Variants in USH2A observed in about 807,000 individuals in gnomAD.
USH2A encodes Usher syndrome 2A (autosomal recessive, mild).
USH2A carries 443 observed loss-of-function variants against 538.9 expected under a neutral mutation model. That is an observed-to-expected ratio of 0.82 (90% CI 0.76 to 0.89). USH2A has a LOEUF of 0.89. Among genes scored for constraint, USH2A ranks in the 40% least tolerant of loss-of-function variants. The probability of loss-of-function intolerance (pLI) is 0.00; values close to 1 mark genes in which losing one functional copy is unlikely to be tolerated. For missense variants in USH2A, 6,633 were observed against 6,324.8 expected (o/e 1.05, Z -1.65); for synonymous variants, 2,413 against 2,273.5 (o/e 1.06, Z -1.75).
intron 21 of USH2A, 71 bp downstream of exon 21, chr1:216,175,181 G>A: frequency 6.3e-7 from 1 of 1,599,610 alleles, no homozygotes. Flanking sequence ...TCATTGTAAA[G>A]GGATATGAAA....
At chr1:215,762,680 C>T (rs989037626) in intron 56 of USH2A, among the ~76,000 whole-genome samples, 9 of 152,104 alleles carry the variant, frequency 5.9e-5, no homozygotes, top group Non-Finnish European at 8.8e-5. Context: ...TTAATGAGTC[C>T]GAGGTGGGGA....
chr1:216,058,550 T>C (rs2031061327), intron 30 of USH2A, among the ~76,000 whole-genome samples: 1 of 141,264 alleles, frequency 7.1e-6, no homozygotes, highest in African/African-American at 2.8e-5. Flanking sequence ...GTGGTTGGGT[T>C]CTATTCTGAG....
chr1:216,333,787 G>T (rs566734445), intron 4 of USH2A, among the ~76,000 whole-genome samples: 1 of 151,954 alleles, frequency 6.6e-6, no homozygotes, highest in Admixed American at 6.6e-5. Context: ...AAACCATGGC[G>T]TCCAGAAGGG....
At chr1:216,081,585 G>A (rs907131989) in intron 26 of USH2A, among the ~76,000 whole-genome samples, 1 of 151,828 alleles carries the variant, frequency 6.6e-6, no homozygotes, top group Non-Finnish European at 1.5e-5. Flanking sequence ...TTATCTAAGT[G>A]TATTGATTTT....
chr1:215,681,386 A>G (rs1212012451), intron 61 of USH2A, among the ~76,000 whole-genome samples: 1 of 151,946 alleles, frequency 6.6e-6, no homozygotes, highest in Non-Finnish European at 1.5e-5. Flanking sequence ...TACCATCCCC[A>G]TTGGATATAA....
intron 21 of USH2A, among the ~76,000 whole-genome samples, chr1:216,159,884 A>T (rs1288010350): frequency 6.6e-6 from 1 of 152,064 alleles, no homozygotes; most frequent in Non-Finnish European, 1.5e-5. Context: ...GTCAGTTTAA[A>T]TTTGGAGATT....
At chr1:215,755,493 G>A (rs1660764927) in intron 58 of USH2A, among the ~76,000 whole-genome samples, 1 of 152,064 alleles carries the variant, frequency 6.6e-6, no homozygotes, top group Non-Finnish European at 1.5e-5. Context: ...CACAGCATGA[G>A]GTACTTTCCA....
intron 21 of USH2A, chr1:216,173,955 A>G (rs781542571): frequency 3.1e-6 from 3 of 983,196 alleles, no homozygotes; most frequent in Non-Finnish European, 3.6e-6. Flanking sequence ...CTTTTTTGCC[A>G]TTTTAAGAAT....
At chr1:215,879,223 GAGGCC>G in intron 41 of USH2A, 125 bp from the exon 42 acceptor site, 1 of 792,378 alleles carries the variant, frequency 1.3e-6, no homozygotes, top group Non-Finnish European at 2.2e-6. Context: ...ACATTCTCCT[GAGGCC>G]TTTGGACTAG....
At chr1:216,111,494 C>T (rs1043939596) in intron 21 of USH2A, among the ~76,000 whole-genome samples, 9 of 151,874 alleles carry the variant, frequency 5.9e-5, no homozygotes, top group Non-Finnish European at 8.8e-5. Context: ...GTAGAGCTTA[C>T]GGATCTAAAG....
intron 43 of USH2A, among the ~76,000 whole-genome samples, chr1:215,870,786 A>G (rs1205701388): frequency 6.6e-6 from 1 of 152,076 alleles, no homozygotes; most frequent in African/African-American, 2.4e-5. Context: ...CATTCACTCT[A>G]TGTATACTGT....
At chr1:216,072,082 C>G (rs1410733663) in intron 29 of USH2A, among the ~76,000 whole-genome samples, 2 of 152,122 alleles carry the variant, frequency 1.3e-5, no homozygotes, top group Non-Finnish European at 2.9e-5. Flanking sequence ...TTGATGGAAA[C>G]ACGTCTTTAG....
intron 38 of USH2A, among the ~76,000 whole-genome samples, chr1:215,931,543 A>C (rs766577509): frequency 2.9e-4 from 44 of 152,008 alleles, no homozygotes; most frequent in Non-Finnish European, 5.7e-4. Flanking sequence ...TATCTACATA[A>C]CCAGAGCATT....
intron 34 of USH2A, among the ~76,000 whole-genome samples, chr1:215,998,614 A>ATT (rs1668190518): frequency 6.6e-6 from 1 of 152,086 alleles, no homozygotes; most frequent in Non-Finnish European, 1.5e-5. Flanking sequence ...TCTACAAGTA[A>ATT]TTTTGAAAAT....
chr1:216,023,990 T>C lies in USH2A; in HGVS notation c.6325+22441A>G, dbSNP rs915596670. On this transcript the variant is annotated intron_variant, in intron 32 of 71. Coordinates refer to ENST00000307340, the MANE Select transcript of USH2A (RefSeq NM_206933.4). Reference sequence around the variant, plus strand: ...GATAAGAGACTGACATAAACTGAGATTGTTATATAAGTTTCACTTATAAAG... The same window carrying C: ...GATAAGAGACTGACATAAACTGAGACTGTTATATAAGTTTCACTTATAAAG... Among the ~76,000 whole-genome samples the C allele has an allele frequency of 3.9e-5, 6 of 152,206 alleles. No individual in the cohort carries two copies. The South Asian group carries it at 6.2e-4, about 16-fold the overall frequency.
intron 56 of USH2A, among the ~76,000 whole-genome samples, chr1:215,765,615 T>C (rs956913972): frequency 6.6e-6 from 1 of 152,158 alleles, no homozygotes; most frequent in African/African-American, 2.4e-5. Flanking sequence ...TGAGTATATT[T>C]TTCTTTTGAA....
intron 32 of USH2A, among the ~76,000 whole-genome samples, chr1:216,025,035 T>C (rs1031816033): frequency 6.6e-6 from 1 of 151,966 alleles, no homozygotes; most frequent in Non-Finnish European, 1.5e-5. Context: ...CACTGATTAG[T>C]AACAAATTTC....
chr1:216,246,645 T>G lies in USH2A; in HGVS notation c.2749A>C (p.Ser917Arg). 6.2e-7 allele frequency: 1 copy of G among 1,614,132 alleles called. No homozygotes were observed. Among genetic ancestry groups the G allele is most frequent in the African/African-American group, 1.3e-5 (1 of 75,054 alleles). ...TLPGTICDPI[S>R]GQCLCVPNRQ... is the part of the protein sequence containing the mutation. ...TTAGGCACACACAGGCACTGGCCACTGATTGGGTCACAAATGGTCCCAGGT... is the reference window on the plus strand; with the variant it reads ...TTAGGCACACACAGGCACTGGCCACGGATTGGGTCACAAATGGTCCCAGGT... The change falls in exon 13 of 72, where the codon AGT becomes CGT. Residue 917 changes from serine (S) to arginine (R), a missense_variant. Coordinates refer to ENST00000307340, the MANE Select transcript of USH2A (RefSeq NM_206933.4).
intron 67 of USH2A, among the ~76,000 whole-genome samples, chr1:215,645,624 G>A (rs975151314): frequency 6.6e-6 from 1 of 152,204 alleles, no homozygotes; most frequent in Non-Finnish European, 1.5e-5. Flanking sequence ...ATCCTACCAT[G>A]TTGTTGCTCA....
Sources: gnomAD v4.1 joint callset for allele counts (sites outside exome capture counted in the v4.1 genomes callset) on GRCh38, gnomAD v4.1.1 for gene constraint, MANE v1.5 for transcripts, NCBI Gene and HGNC (gene_info 2026-07-23, HGNC 2026-07-21) for gene names.